The following CSMD1 variants were observed in gnomAD, a reference collection of about 807,000 sequenced individuals.
CSMD1 encodes the protein CUB and sushi domain-containing protein 1.
In CSMD1, 213 loss-of-function variants were observed where a neutral mutation model predicts 417.5. The observed-to-expected ratio is 0.51, with a 90% CI of 0.46 to 0.57. The LOEUF (loss-of-function observed/expected upper bound fraction) is 0.57. CSMD1 is among the 20% of genes least tolerant of loss of function. The probability of loss-of-function intolerance (pLI) is 0.00; values close to 1 mark genes in which losing one functional copy is unlikely to be tolerated. For missense variants in CSMD1, 6,923 were observed against 4,529.7 expected, an observed-to-expected ratio of 1.53 and a Z score of -15.17; for synonymous variants, 2,862 against 1,736.8, an observed-to-expected ratio of 1.65 and a Z score of -16.11.
chr8:3,457,027 C>T (rs183686203), intron 12 of CSMD1, among the ~76,000 whole-genome samples: 1 of 151,960 alleles, frequency 6.6e-6, no homozygotes, highest in East Asian at 1.9e-4. Flanking sequence ...TCATCCTGGA[C>T]CCCTTCACCT....
At chr8:3,085,652 G>GTT (rs1563322842) in intron 49 of CSMD1, among the ~76,000 whole-genome samples, 1 of 152,140 alleles carries the variant, frequency 6.6e-6, no homozygotes, top group East Asian at 1.9e-4. Context: ...GCATTAAATA[G>GTT]TTCTGCTGGG....
At chr8:3,310,380 G>C (rs56985209) in intron 23 of CSMD1, among the ~76,000 whole-genome samples, 2,856 of 152,270 alleles carry the variant, frequency 0.019, 92 homozygotes, top group African/African-American at 0.064. Flanking sequence ...ATCTGAACAA[G>C]TCTTTAGAAG....
At chr8:4,366,487 C>G (rs1007270444) in intron 3 of CSMD1, among the ~76,000 whole-genome samples, 3 of 152,132 alleles carry the variant, frequency 2.0e-5, no homozygotes, top group Non-Finnish European at 4.4e-5. Flanking sequence ...GTTTTAAGTT[C>G]TTCGATAAAA....
At chr8:4,008,075 G>GT (rs1354613400) in intron 4 of CSMD1, among the ~76,000 whole-genome samples, 1 of 152,130 alleles carries the variant, frequency 6.6e-6, no homozygotes, top group Non-Finnish European at 1.5e-5. Context: ...AGTCCAGGAG[G>GT]TTTTTTCTTT....
At chr8:4,853,168 A>G (rs958503553) in intron 1 of CSMD1, among the ~76,000 whole-genome samples, 5 of 152,250 alleles carry the variant, frequency 3.3e-5, no homozygotes, top group African/African-American at 1.2e-4. Context: ...AGAGATTTGC[A>G]TGACTAAAAG....
intron 1 of CSMD1, among the ~76,000 whole-genome samples, chr8:4,881,268 T>C (rs970499908): frequency 2.0e-5 from 3 of 152,156 alleles, no homozygotes; most frequent in African/African-American, 4.8e-5. Flanking sequence ...CTCTGTGACT[T>C]CATTGCCAGA....
intron 8 of CSMD1, among the ~76,000 whole-genome samples, chr8:3,595,804 C>A (rs76393846): frequency 6.6e-6 from 1 of 152,176 alleles, no homozygotes; most frequent in Non-Finnish European, 1.5e-5. Context: ...AAAATTAAAT[C>A]CTCACGTTCA....
At chr8:3,935,621 G>C (rs1012862838) in intron 5 of CSMD1, among the ~76,000 whole-genome samples, 7 of 152,020 alleles carry the variant, frequency 4.6e-5, no homozygotes, top group Admixed American at 3.3e-4. Context: ...GTAATTGTTT[G>C]GGGGCCCCAT....
rs183422468 is a variant in CSMD1, at chr8:4,878,507, T to C, written c.85+115825A>G. ...AGAATCATGATGATGATGATGATGATGATTTTTATTATTATTCAGAATGAT... is the reference window on the plus strand; with the variant it reads ...AGAATCATGATGATGATGATGATGACGATTTTTATTATTATTCAGAATGAT... On this transcript the variant is annotated intron_variant, in intron 1 of 69. Coordinates refer to ENST00000635120, the MANE Select transcript of CSMD1 (RefSeq NM_033225.6). Among the ~76,000 whole-genome samples, 263 of 151,940 alleles carry C rather than the reference T, an allele frequency of 1.7e-3. 3 individuals are homozygous for C. The highest frequency in any genetic ancestry group is 5.9e-3 in the African/African-American group (245 of 41,378).
chr8:2,941,833 G>A (rs1293921910), intron 69 of CSMD1, among the ~76,000 whole-genome samples: 1 of 152,194 alleles, frequency 6.6e-6, no homozygotes, highest in East Asian at 1.9e-4. Context: ...TGGCCATAGA[G>A]AACATTCTGT....
chr8:3,633,769 C>T (rs777231570), intron 7 of CSMD1, among the ~76,000 whole-genome samples: 1 of 152,124 alleles, frequency 6.6e-6, no homozygotes, highest in Admixed American at 6.5e-5. Flanking sequence ...ATAGGCATTG[C>T]TTTATAATCA....
intron 1 of CSMD1, among the ~76,000 whole-genome samples, chr8:4,842,591 C>A (rs959695858): frequency 6.6e-6 from 1 of 152,180 alleles, no homozygotes; most frequent in Non-Finnish European, 1.5e-5. Flanking sequence ...CACATGTATC[C>A]CTGCTGCAGG....
chr8:3,314,150 T>C (rs965427574), intron 23 of CSMD1, among the ~76,000 whole-genome samples: 1 of 152,026 alleles, frequency 6.6e-6, no homozygotes, highest in Non-Finnish European at 1.5e-5. Flanking sequence ...GGGATAGCAT[T>C]AGGAGATATA....
intron 20 of CSMD1, among the ~76,000 whole-genome samples, chr8:3,364,877 T>C (rs1379344476): frequency 6.6e-6 from 1 of 152,302 alleles, no homozygotes; most frequent in East Asian, 1.9e-4. Flanking sequence ...ACTAAGACAG[T>C]AGTCGTCAAA....
chr8:4,625,983 C>A (rs868414563), intron 2 of CSMD1, among the ~76,000 whole-genome samples: 11 of 152,244 alleles, frequency 7.2e-5, no homozygotes, highest in African/African-American at 2.6e-4. Context: ...CTTGGTCTCC[C>A]AAAGTGCTGG....
chr8:4,989,129 A>G (rs1811330944), intron 1 of CSMD1, among the ~76,000 whole-genome samples: 1 of 152,218 alleles, frequency 6.6e-6, no homozygotes, highest in South Asian at 2.1e-4. Context: ...TGGAATGGAC[A>G]ACTAGTTTGC....
chr8:4,066,325 G>C (rs189315229), intron 3 of CSMD1, among the ~76,000 whole-genome samples: 82 of 152,242 alleles, frequency 5.4e-4, no homozygotes, highest in African/African-American at 1.7e-3. Context: ...AAGGTGTTCT[G>C]CTGCCTAGCC....
intron 52 of CSMD1, among the ~76,000 whole-genome samples, chr8:3,009,572 C>G (rs1414002839): frequency 6.6e-6 from 1 of 152,156 alleles, no homozygotes; most frequent in Non-Finnish European, 1.5e-5. Flanking sequence ...ATTAGCAGTA[C>G]ACTTCAACGG....
intron 3 of CSMD1, among the ~76,000 whole-genome samples, chr8:4,343,311 A>G (rs980284631): frequency 1.3e-5 from 2 of 152,058 alleles, no homozygotes; most frequent in Admixed American, 6.6e-5. Context: ...AAGGGTACAA[A>G]ATTTTAGTAA....
Sources: allele counts gnomAD v4.1 joint callset (sites outside exome capture counted in the v4.1 genomes callset), GRCh38; gene constraint gnomAD v4.1.1; transcripts MANE v1.5; gene names NCBI Gene and HGNC (gene_info 2026-07-23, HGNC 2026-07-21).